The following CSMD1 variants were observed in gnomAD, a reference collection of about 807,000 sequenced individuals.
CSMD1 encodes the protein CUB and sushi domain-containing protein 1.
Under a neutral mutation model 417.5 loss-of-function variants are expected in CSMD1, and 213 were observed. That is an observed-to-expected ratio of 0.51 (90% CI 0.46 to 0.57). The LOEUF is 0.57. Among genes scored for constraint, CSMD1 ranks in the 20% least tolerant of loss-of-function variants. The pLI is 0.00. For synonymous variants in CSMD1, 2,862 were observed against 1,736.8 expected (o/e 1.65, Z -16.11); for missense variants, 6,923 against 4,529.7 (o/e 1.53, Z -15.17).
intron 7 of CSMD1, among the ~76,000 whole-genome samples, chr8:3,707,802 A>G (rs188718185): frequency 1.7e-3 from 257 of 152,306 alleles, no homozygotes; most frequent in Middle Eastern, 6.8e-3. Context: ...AGGGCTTCCT[A>G]TGGCTGAGTG....
At chr8:4,264,794 A>T (rs980354141) in intron 3 of CSMD1, among the ~76,000 whole-genome samples, 8 of 152,152 alleles carry the variant, frequency 5.3e-5, no homozygotes, top group African/African-American at 1.9e-4. Context: ...AAACTTGGAC[A>T]AGTTAATTCT....
chr8:4,820,975 G>C (rs1300099338), intron 1 of CSMD1, among the ~76,000 whole-genome samples: 1 of 152,070 alleles, frequency 6.6e-6, no homozygotes, highest in African/African-American at 2.4e-5. Flanking sequence ...GCTCAAAAAT[G>C]GTAAGAGACA....
At chr8:3,402,545 G>A (rs1390085708) in intron 15 of CSMD1, among the ~76,000 whole-genome samples, 1 of 152,108 alleles carries the variant, frequency 6.6e-6, no homozygotes, top group Non-Finnish European at 1.5e-5. Flanking sequence ...TACTCAACAT[G>A]TGCCTGGCAT....
chr8:3,768,268 G>A (rs1359150608), intron 5 of CSMD1, among the ~76,000 whole-genome samples: 3 of 152,124 alleles, frequency 2.0e-5, no homozygotes, highest in African/African-American at 7.2e-5. Flanking sequence ...CGGGCCAAGT[G>A]AATATCATGA....
At chr8:3,043,290 T>C (rs1811230829) in intron 50 of CSMD1, among the ~76,000 whole-genome samples, 1 of 151,544 alleles carries the variant, frequency 6.6e-6, no homozygotes, top group South Asian at 2.1e-4. Flanking sequence ...CATGTAAACC[T>C]ACAGTACTAG....
intron 7 of CSMD1, among the ~76,000 whole-genome samples, chr8:3,696,033 G>A (rs913723551): frequency 3.3e-5 from 5 of 151,984 alleles, no homozygotes; most frequent in African/African-American, 1.2e-4. Context: ...TTGTATATTT[G>A]CACACGTGCA....
chr8:4,735,162 C>G (rs955328234), intron 1 of CSMD1, among the ~76,000 whole-genome samples: 5 of 152,178 alleles, frequency 3.3e-5, no homozygotes, highest in Non-Finnish European at 7.3e-5. Flanking sequence ...TGAGGTAATG[C>G]TCCCTCACCA....
chr8:3,575,232 G>A (rs2116941977), intron 9 of CSMD1, among the ~76,000 whole-genome samples, 166 bp from the exon 10 acceptor site: 1 of 151,430 alleles, frequency 6.6e-6, no homozygotes, highest in South Asian at 2.1e-4. Context: ...GTCAGCAAGT[G>A]GATTGCTCAG....
At chr8:3,439,309 A>ATATATTTTTTT in intron 12 of CSMD1, among the ~76,000 whole-genome samples, 130 of 62,398 alleles carry the variant, frequency 2.1e-3, no homozygotes, top group South Asian at 3.0e-3. Context: ...ATATATATAT[A>ATATATTTTTTT]TTTTTTTTTT....
At chr8:3,896,907 C>T (rs1807408896) in intron 5 of CSMD1, among the ~76,000 whole-genome samples, 1 of 151,750 alleles carries the variant, frequency 6.6e-6, no homozygotes, top group Non-Finnish European at 1.5e-5. Context: ...TTTGGTTCTC[C>T]AATAACAACC....
chr8:3,771,069 G>C (rs56005401), intron 5 of CSMD1, among the ~76,000 whole-genome samples: 2,080 of 152,030 alleles, frequency 0.014, 39 homozygotes, highest in African/African-American at 0.048. Context: ...GTCTGTGGTG[G>C]ACAATAGTCT....
chr8:4,916,006 T>G (rs912235241), intron 1 of CSMD1, among the ~76,000 whole-genome samples: 1 of 152,162 alleles, frequency 6.6e-6, no homozygotes, highest in Non-Finnish European at 1.5e-5. Context: ...TTGCAAGAGC[T>G]ACACCTGTTG....
At chr8:3,638,112 C>A (rs539392507) in intron 7 of CSMD1, among the ~76,000 whole-genome samples, 1 of 152,106 alleles carries the variant, frequency 6.6e-6, no homozygotes, top group African/African-American at 2.4e-5. Flanking sequence ...CAGATTTAAA[C>A]CCAAGCAGGT....
Position 3,237,727 on chromosome 8 carries a change from C to CTTATACTAT in CSMD1, c.4154-7497_4154-7496insATAGTATAA, listed in dbSNP as rs1563171614. 1.4e-3 allele frequency among the ~76,000 whole-genome samples: 43 copies of CTTATACTAT among 29,736 alleles called. 7 individuals carry two copies. Among genetic ancestry groups the CTTATACTAT allele is most frequent in the East Asian group, 5.4e-3 (7 of 1,304 alleles). The allele number at this position is 29,736 out of a possible 152,430, so 19.5% of individuals were successfully genotyped here. On this transcript the variant is annotated intron_variant, in intron 26 of 69. Transcript: ENST00000635120. ...AATTTTTATAATTATACTTATACTACAAATATAATTTTTATAATTATACTT... is the reference window on the plus strand; with the variant it reads ...AATTTTTATAATTATACTTATACTACTTATACTATAAATATAATTTTTATAATTATACTT...
intron 1 of CSMD1, among the ~76,000 whole-genome samples, chr8:4,872,381 G>A (rs1186053548): frequency 1.3e-5 from 2 of 152,048 alleles, no homozygotes; most frequent in African/African-American, 2.4e-5. Flanking sequence ...TGAATCATGG[G>A]AGTGGTTTCC....
At chr8:4,214,714 G>C (rs1294262358) in intron 3 of CSMD1, among the ~76,000 whole-genome samples, 2 of 152,090 alleles carry the variant, frequency 1.3e-5, no homozygotes, top group African/African-American at 2.4e-5. Context: ...ATATAGGCAA[G>C]AGTTCATCAC....
At chr8:3,985,258 C>G (rs970364087) in intron 5 of CSMD1, among the ~76,000 whole-genome samples, 3 of 152,158 alleles carry the variant, frequency 2.0e-5, no homozygotes, top group African/African-American at 7.2e-5. Context: ...TCATGCTTTA[C>G]AAATTTCCCA....
chr8:4,025,584 G>A (rs958114491), intron 4 of CSMD1, among the ~76,000 whole-genome samples: 1 of 152,064 alleles, frequency 6.6e-6, no homozygotes, highest in Admixed American at 6.5e-5. Flanking sequence ...TGTAAGAAGT[G>A]AAACAGTAAA....
intron 7 of CSMD1, among the ~76,000 whole-genome samples, chr8:3,692,807 C>A (rs559581142): frequency 1.4e-4 from 21 of 152,200 alleles, no homozygotes; most frequent in African/African-American, 5.1e-4. Context: ...ACCTCTGGAC[C>A]CTAATATGCA....
Sources: allele counts gnomAD v4.1 joint callset (sites outside exome capture counted in the v4.1 genomes callset), GRCh38; gene constraint gnomAD v4.1.1; transcripts MANE v1.5; gene names NCBI Gene and HGNC (gene_info 2026-07-23, HGNC 2026-07-21).